Variants in INSYN1 observed in about 807,000 individuals in gnomAD.
INSYN1 encodes UPF0583 protein C15orf59.
A neutral mutation model predicts 17.1 loss-of-function variants in INSYN1; 7 were observed. That is an observed-to-expected ratio of 0.41 (90% CI 0.23 to 0.77). The LOEUF (loss-of-function observed/expected upper bound fraction) is 0.77, where lower values mean the gene tolerates loss of function less well. Among genes scored for constraint, INSYN1 ranks in the 30% least tolerant of loss-of-function variants. The probability of loss-of-function intolerance (pLI) is 0.32; values close to 1 mark genes in which losing one functional copy is unlikely to be tolerated. For missense variants in INSYN1, 339 were observed against 400.6 expected, an observed-to-expected ratio of 0.85 and a Z score of 1.31; for synonymous variants, 174 against 166.3, an observed-to-expected ratio of 1.05 and a Z score of -0.36.
intron 2 of INSYN1, among the ~76,000 whole-genome samples, chr15:73,747,849 G>A (rs1015348522): frequency 3.9e-5 from 6 of 152,148 alleles, no homozygotes; most frequent in South Asian, 2.1e-4. Context: ...GCTAATTAAC[G>A]ATTGACCGTC....
intron 1 of INSYN1, among the ~76,000 whole-genome samples, 192 bp downstream of exon 1, chr15:73,751,918 C>T (rs1228631857): frequency 2.0e-5 from 3 of 151,970 alleles, no homozygotes; most frequent in Non-Finnish European, 4.4e-5. Flanking sequence ...CAGCCTGCTA[C>T]GGGGCACCCT....
At chr15:73,743,585 C>T (rs1281829196) in intron 2 of INSYN1, among the ~76,000 whole-genome samples, 2 of 151,680 alleles carry the variant, frequency 1.3e-5, no homozygotes, top group South Asian at 2.1e-4. Flanking sequence ...TTTGGGAGGC[C>T]GAGGCGGGCA....
intron 2 of INSYN1, among the ~76,000 whole-genome samples, chr15:73,748,766 G>C (rs1335217724): frequency 6.6e-6 from 1 of 152,114 alleles, no homozygotes; most frequent in Admixed American, 6.5e-5. Flanking sequence ...TCTTTTGCTT[G>C]GGCCTCCCAG....
chr15:73,746,226 C>T (rs942500375), intron 2 of INSYN1, among the ~76,000 whole-genome samples: 2 of 152,100 alleles, frequency 1.3e-5, no homozygotes, highest in African/African-American at 4.8e-5. Context: ...GGGCAGCGAG[C>T]TGATCGTGAT....
At chr15:73,743,818 GAC>G (rs1363445764) in intron 2 of INSYN1, among the ~76,000 whole-genome samples, 5 of 37,334 alleles carry the variant, frequency 1.3e-4, no homozygotes, top group Non-Finnish European at 2.8e-4. Context: ...AACAGAGAGA[GAC>G]TCTGTCTCAA....
rs71650721 is a variant in INSYN1 at position 73,739,838 on chromosome 15, AATATATAT to A, written c.*71_*78del. 1.7e-4 allele frequency: 24 copies of A among 144,698 alleles called. No homozygotes were observed. In the East Asian group the frequency reaches 1.7e-3, roughly 10 times the overall value. The allele number at this position is 144,698 out of a possible 1,614,324, so 9.0% of individuals were successfully genotyped here. ...ATTTTATTATGACTTCATTTGTTTAAATATATATATATATATATATATATATATATTTA... is the reference window on the plus strand; with the variant it reads ...ATTTTATTATGACTTCATTTGTTTAAATATATATATATATATATATATTTA... On this transcript the variant is annotated 3_prime_UTR_variant, in exon 3 of 3. Coordinates refer to ENST00000569673, the MANE Select transcript of INSYN1 (RefSeq NM_001039614.3).
At chr15:73,746,880 T>C (rs1431108516) in intron 2 of INSYN1, among the ~76,000 whole-genome samples, 25 of 152,052 alleles carry the variant, frequency 1.6e-4, no homozygotes, top group Non-Finnish European at 1.2e-4. Flanking sequence ...ACCCTGCCTT[T>C]GGGAGCTTCT....
rs1194249372 is a variant in INSYN1, at chr15:73,737,627, G to T, written c.*2290C>A. 6.6e-6 allele frequency: 1 copy of T among 152,272 alleles called. No homozygotes were observed. The highest frequency in any genetic ancestry group is 1.9e-4 in the East Asian group (1 of 5,198). The allele number at this position is 152,272 out of a possible 1,614,324, so 9.4% of individuals were successfully genotyped here. On this transcript the variant is annotated 3_prime_UTR_variant, in exon 3 of 3. Coordinates refer to ENST00000569673, the MANE Select transcript of INSYN1 (RefSeq NM_001039614.3). ...CTCTTTAGGGCTCCAATCTCACCAT[G>T]AGCTTGAGGAATAAGCTCTACATTG...
chr15:73,751,189 C>T lies in INSYN1; in HGVS notation c.-59G>A, dbSNP rs1901973607. ...CCCCCCAGCTGGGCACACACTGCGT[C>T]TGCCTCCACGGAGCCCCCCTCGGCT... On this transcript the variant is annotated 5_prime_UTR_variant, in exon 2 of 3. Coordinates refer to ENST00000569673, the MANE Select transcript of INSYN1 (RefSeq NM_001039614.3). 1.3e-6 allele frequency: 2 copies of T among 1,585,544 alleles called. No individual in the cohort carries two copies. Among genetic ancestry groups the T allele is most frequent in the African/African-American group, 2.7e-5 (2 of 74,436 alleles).
chr15:73,744,560 C>T (rs8023544), intron 2 of INSYN1, among the ~76,000 whole-genome samples: 5,770 of 152,242 alleles, frequency 0.038, 167 homozygotes, highest in Non-Finnish European at 0.059. Context: ...CCTGGTGCCT[C>T]GTTTCCTGGG....
At chr15:73,745,701 C>T (rs975798492) in intron 2 of INSYN1, among the ~76,000 whole-genome samples, 19 of 152,168 alleles carry the variant, frequency 1.2e-4, no homozygotes, top group African/African-American at 2.9e-4. Flanking sequence ...AAAAACTACT[C>T]GGGAGGCTGA....
At chr15:73,748,010 G>A (rs1039331015) in intron 2 of INSYN1, among the ~76,000 whole-genome samples, 8 of 152,164 alleles carry the variant, frequency 5.3e-5, no homozygotes, top group Admixed American at 3.3e-4. Flanking sequence ...TTGCGAGGGC[G>A]AGGGAGGTGT....
Sources: allele counts gnomAD v4.1 joint callset (sites outside exome capture counted in the v4.1 genomes callset), GRCh38; gene constraint gnomAD v4.1.1; transcripts MANE v1.5; gene names NCBI Gene and HGNC (gene_info 2026-07-23, HGNC 2026-07-21).